The following BID variants were observed in gnomAD, a reference collection of about 807,000 sequenced individuals.
The protein encoded by BID is BH3-interacting domain death agonist.
In BID, 19 loss-of-function variants were observed where a neutral mutation model predicts 17.4. The observed-to-expected ratio is 1.09, with a 90% CI of 0.76 to 1.60. The LOEUF is 1.60. Among genes scored for constraint, BID ranks in the 40% most tolerant of loss-of-function variants. The pLI, the probability that BID is intolerant of heterozygous loss-of-function variation, is 0.00. For missense variants in BID, 226 were observed against 256.0 expected (o/e 0.88, Z 0.80); for synonymous variants, 108 against 102.8 (o/e 1.05, Z -0.31).
chr22:17,736,791 C>T (rs1266804350), intron 5 of BID, among the ~76,000 whole-genome samples: 3 of 151,866 alleles, frequency 2.0e-5, no homozygotes, highest in East Asian at 1.9e-4. Context: ...TACAGGCGTA[C>T]GCCACCATGC....
intron 1 of BID, among the ~76,000 whole-genome samples, chr22:17,755,336 A>G (rs890417367): frequency 3.3e-5 from 5 of 151,932 alleles, no homozygotes; most frequent in African/African-American, 9.7e-5. Context: ...GAAAGCTCCA[A>G]CCCGGAAATG....
At chr22:17,736,491 G>A (rs9605389) in intron 5 of BID, among the ~76,000 whole-genome samples, 12 of 150,214 alleles carry the variant, frequency 8.0e-5, no homozygotes, top group East Asian at 2.0e-4. Context: ...CCAAACATTC[G>A]CTAATATTTT....
At chr22:17,770,962 A>G (rs961691290) in intron 1 of BID, among the ~76,000 whole-genome samples, 7 of 152,128 alleles carry the variant, frequency 4.6e-5, no homozygotes, top group African/African-American at 1.7e-4. Flanking sequence ...GAAGACAGGT[A>G]TCTCCTCCCC....
At chr22:17,751,354 G>C (rs552624669) in intron 1 of BID, among the ~76,000 whole-genome samples, 48 of 151,730 alleles carry the variant, frequency 3.2e-4, no homozygotes, top group African/African-American at 1.1e-3. Context: ...AGTCCGACCT[G>C]GGCGACAGAG....
At chr22:17,754,910 GTGTGCCACCACA>G (rs2061570254) in intron 1 of BID, among the ~76,000 whole-genome samples, 1 of 151,692 alleles carries the variant, frequency 6.6e-6, no homozygotes, top group African/African-American at 2.4e-5. Flanking sequence ...GACTACAGGT[GTGTGCCACCACA>G]CCCGGCTAAT....
chr22:17,742,709 C>G (rs541754635), intron 3 of BID, among the ~76,000 whole-genome samples: 3 of 152,198 alleles, frequency 2.0e-5, no homozygotes, highest in Admixed American at 2.0e-4. Flanking sequence ...GGCAGTCTCC[C>G]GCCCTAAAAC....
Position 17,734,471 on chromosome 22 carries a change from A to AT in BID, c.*1108dup, listed in dbSNP as rs1569034687. ...CATCCACTGTCGTGCTTTTAAACTG[A>AT]TTCCTGGGACATAGCTTACCACTGG... is the stretch of plus-strand genomic sequence containing the variant. On this transcript the variant is annotated 3_prime_UTR_variant, in exon 6 of 6. Coordinates refer to ENST00000622694, the MANE Select transcript of BID (RefSeq NM_001196.4). 6.6e-6 allele frequency: 1 copy of AT among 152,178 alleles called. No homozygotes were observed. Among genetic ancestry groups the AT allele is most frequent in the Non-Finnish European group, 1.5e-5 (1 of 68,022 alleles). 9.4% of individuals were successfully genotyped at this position (152,178 alleles called of 1,614,324 possible).
chr22:17,751,301 A>G (rs1002843027), intron 1 of BID, among the ~76,000 whole-genome samples: 9 of 151,418 alleles, frequency 5.9e-5, no homozygotes, highest in South Asian at 2.1e-4. Context: ...GAACCCGGGA[A>G]GCGGAGCTTG....
At chr22:17,766,583 T>G (rs557387301) in intron 1 of BID, among the ~76,000 whole-genome samples, 18 of 146,662 alleles carry the variant, frequency 1.2e-4, no homozygotes, top group African/African-American at 4.6e-4. Flanking sequence ...GCGCCCAGCC[T>G]TTTTTGTTTG....
chr22:17,774,498 C>T (rs1250084865), upstream of BID: 10 of 254,106 alleles, frequency 3.9e-5, no homozygotes, highest in Middle Eastern at 1.3e-3. Flanking sequence ...CCTCCTTCGG[C>T]CCCCCACGCC....
At chr22:17,751,904 G>A (rs1022065915) in intron 1 of BID, among the ~76,000 whole-genome samples, 10 of 152,182 alleles carry the variant, frequency 6.6e-5, no homozygotes, top group South Asian at 2.1e-4. Flanking sequence ...GAGACAAAGC[G>A]CAAGACAGAC....
intron 2 of BID, 74 bp from the exon 3 acceptor site, chr22:17,744,087 G>A: frequency 7.3e-7 from 1 of 1,369,898 alleles, no homozygotes; most frequent in Non-Finnish European, 1.0e-6. Context: ...AGCTCCAGTT[G>A]CAGCTGGCCC....
intron 2 of BID, among the ~76,000 whole-genome samples, chr22:17,748,030 G>A (rs2061506625): frequency 6.6e-6 from 1 of 151,462 alleles, no homozygotes; most frequent in Non-Finnish European, 1.5e-5. Flanking sequence ...CTAACACGGT[G>A]AAACCCCGTC....
rs560535658 is a variant in BID, at chr22:17,762,408, A to C, written c.-59+11973T>G. Among the ~76,000 whole-genome samples, 14 of 152,236 alleles carry C rather than the reference A, an allele frequency of 9.2e-5. No individual in the cohort carries two copies. In the South Asian group the frequency reaches 2.9e-3, roughly 32 times the overall value. Reference sequence around the variant, plus strand: ...CTACTCGGGAGGCTGAGGCAGAAGAATTGCTTGAACCCAGAAGGCAGAGGT... The same window carrying C: ...CTACTCGGGAGGCTGAGGCAGAAGACTTGCTTGAACCCAGAAGGCAGAGGT... On this transcript the variant is annotated intron_variant, in intron 1 of 5. Coordinates refer to ENST00000622694, the MANE Select transcript of BID (RefSeq NM_001196.4).
In BID at chr22:17,743,846, A is replaced by T; in HGVS notation, c.180T>A (p.Asp60Glu). Residue 60 changes from aspartate to glutamate, a missense_variant, in exon 3 of 6, where the codon GAT becomes GAA. Coordinates refer to ENST00000622694, the MANE Select transcript of BID (RefSeq NM_001196.4). ...AGCGGGAGTGGCTGCTGCGGTTGCC[A>T]TCAGTCTGCAGCTCATCGTAGCCCT... ...QWEGYDELQT[D>E]GNRSSHSRLG... 1 of 1,612,634 alleles carries T rather than the reference A, an allele frequency of 6.2e-7. No individual in the cohort carries two copies. The highest frequency in any genetic ancestry group is 8.5e-7 in the Non-Finnish European group (1 of 1,179,774).
At chr22:17,770,552 T>A (rs1465406073) in intron 1 of BID, among the ~76,000 whole-genome samples, 2 of 152,130 alleles carry the variant, frequency 1.3e-5, no homozygotes, top group African/African-American at 4.8e-5. Flanking sequence ...AATGAGACAT[T>A]CAGTTACACA....
chr22:17,767,965 T>C (rs1569054387), intron 1 of BID, among the ~76,000 whole-genome samples: 2 of 152,358 alleles, frequency 1.3e-5, no homozygotes, highest in East Asian at 3.9e-4. Flanking sequence ...TGACACCTAC[T>C]GTAACATGAG....
At chr22:17,748,378 G>A (rs1329137411) in intron 2 of BID, among the ~76,000 whole-genome samples, 1 of 150,774 alleles carries the variant, frequency 6.6e-6, no homozygotes, top group Non-Finnish European at 1.5e-5. Context: ...CGTGGTGGCG[G>A]GCGCCTGTAG....
intron 1 of BID, among the ~76,000 whole-genome samples, chr22:17,761,444 T>C (rs1170239538): frequency 1.3e-5 from 2 of 150,820 alleles, no homozygotes; most frequent in African/African-American, 4.9e-5. Context: ...TTTTTTTTTT[T>C]TTTTTGAGAT....
Sources: allele counts gnomAD v4.1 joint callset (sites outside exome capture counted in the v4.1 genomes callset), GRCh38; gene constraint gnomAD v4.1.1; transcripts MANE v1.5; gene names NCBI Gene and HGNC (gene_info 2026-07-23, HGNC 2026-07-21).